STX18: variants seen among roughly 807,000 people sequenced by gnomAD.
The protein encoded by STX18 is syntaxin-18.
In STX18, 40 loss-of-function variants were observed where a neutral mutation model predicts 50.1. The observed-to-expected ratio is 0.80, with a 90% CI of 0.62 to 1.04. STX18 has a LOEUF of 1.04. Among genes scored for constraint, STX18 ranks in the 50% least tolerant of loss-of-function variants. STX18 has a pLI of 0.00. For synonymous variants in STX18, 158 were observed against 151.8 expected, an observed-to-expected ratio of 1.04 and a Z score of -0.30; for missense variants, 410 against 415.8, an observed-to-expected ratio of 0.99 and a Z score of 0.12.
At chr4:4,435,992 G>A (rs777011168) in intron 6 of STX18, among the ~76,000 whole-genome samples, 1 of 152,152 alleles carries the variant, frequency 6.6e-6, no homozygotes, top group Non-Finnish European at 1.5e-5. Flanking sequence ...GTGTCTCAGG[G>A]CTTATCAGTG....
At chr4:4,451,207 T>C (rs1357894420) in intron 5 of STX18, among the ~76,000 whole-genome samples, 1 of 152,248 alleles carries the variant, frequency 6.6e-6, no homozygotes, top group Non-Finnish European at 1.5e-5. Context: ...CTGGCCAGCA[T>C]CTGCTTCCAG....
chr4:4,461,780 C>T (rs1727390322), intron 2 of STX18: 1 of 442,270 alleles, frequency 2.3e-6, no homozygotes, highest in African/African-American at 2.0e-5. Flanking sequence ...CCTCATGTTT[C>T]TGTGGGAACC....
At chr4:4,488,351 T>C (rs1313263161) in intron 1 of STX18, among the ~76,000 whole-genome samples, 1 of 152,120 alleles carries the variant, frequency 6.6e-6, no homozygotes, top group Non-Finnish European at 1.5e-5. Context: ...CTTATAAGAA[T>C]GTGGAGATGT....
chr4:4,423,890 C>G (rs1022478821), intron 8 of STX18: 1 of 408,446 alleles, frequency 2.4e-6, no homozygotes, highest in African/African-American at 2.0e-5. Flanking sequence ...TGTCACTGCT[C>G]GGGGAATGGG....
At chr4:4,440,632 T>C (rs570379770) in intron 5 of STX18, among the ~76,000 whole-genome samples, 4 of 152,350 alleles carry the variant, frequency 2.6e-5, no homozygotes, top group Non-Finnish European at 5.9e-5. Flanking sequence ...CAAATACATT[T>C]TGAATTTCCA....
intron 5 of STX18, among the ~76,000 whole-genome samples, chr4:4,449,521 T>C (rs543329087): frequency 1.5e-4 from 23 of 152,258 alleles, no homozygotes; most frequent in Non-Finnish European, 3.1e-4. Flanking sequence ...TCACTTATTC[T>C]GTAAGAGATC....
chr4:4,538,567 G>C (rs1295443423), intron 1 of STX18, among the ~76,000 whole-genome samples: 1 of 144,046 alleles, frequency 6.9e-6, no homozygotes, highest in Non-Finnish European at 1.5e-5. Context: ...ACATGAGGAG[G>C]GGGGAGGTAG....
intron 2 of STX18, among the ~76,000 whole-genome samples, chr4:4,459,872 G>A (rs917509943): frequency 1.3e-5 from 2 of 152,178 alleles, no homozygotes; most frequent in East Asian, 1.9e-4. Context: ...AGGGTGGAGG[G>A]TGTTCCCTAA....
At chr4:4,460,799 G>C (rs1560175273) in intron 2 of STX18, among the ~76,000 whole-genome samples, 1 of 152,110 alleles carries the variant, frequency 6.6e-6, no homozygotes, top group Non-Finnish European at 1.5e-5. Context: ...CTCTGTCCGA[G>C]GGAAGACCCA....
upstream of STX18, chr4:4,542,334 CCTCA>C (rs1731657992): frequency 1.0e-5 from 2 of 190,692 alleles, no homozygotes; most frequent in Non-Finnish European, 1.1e-5. Context: ...CTGGCGGCTC[CCTCA>C]CTGAGACCGG....
chr4:4,429,481 C>T (rs909556785), intron 7 of STX18, among the ~76,000 whole-genome samples: 9 of 152,164 alleles, frequency 5.9e-5, no homozygotes, highest in African/African-American at 9.7e-5. Flanking sequence ...ATTTGTGTCA[C>T]AAAGAGCCAA....
chr4:4,528,921 T>C (rs1326396485), intron 1 of STX18, among the ~76,000 whole-genome samples: 3 of 152,234 alleles, frequency 2.0e-5, no homozygotes, highest in African/African-American at 7.2e-5. Flanking sequence ...AAAACTGGTA[T>C]CCCAACAACA....
intron 1 of STX18, among the ~76,000 whole-genome samples, chr4:4,497,867 G>A (rs1729251407): frequency 6.6e-6 from 1 of 152,116 alleles, no homozygotes; most frequent in South Asian, 2.1e-4. Context: ...AATTTGTCTT[G>A]TTCCTGCAGA....
intron 1 of STX18, among the ~76,000 whole-genome samples, chr4:4,481,131 T>C (rs1304531107): frequency 6.6e-6 from 1 of 152,212 alleles, no homozygotes; most frequent in Non-Finnish European, 1.5e-5. Flanking sequence ...CAAAGCACGA[T>C]ATACTGTACA....
At chr4:4,476,702 A>G (rs763659842) in intron 1 of STX18, among the ~76,000 whole-genome samples, 1 of 152,196 alleles carries the variant, frequency 6.6e-6, no homozygotes, top group African/African-American at 2.4e-5. Flanking sequence ...TAGAATCCTT[A>G]TATTTTATAC....
chr4:4,503,446 C>T (rs1729553147), intron 1 of STX18, among the ~76,000 whole-genome samples: 1 of 152,098 alleles, frequency 6.6e-6, no homozygotes, highest in African/African-American at 2.4e-5. Context: ...TAACTCAACA[C>T]AGAACTCAAC....
intron 3 of STX18, among the ~76,000 whole-genome samples, chr4:4,459,050 A>ACACACACACG (rs1491271919): frequency 3.8e-5 from 5 of 131,046 alleles, no homozygotes. Flanking sequence ...GCCACACAGA[A>ACACACACACG]CACACACACA....
intron 1 of STX18, among the ~76,000 whole-genome samples, chr4:4,530,411 T>C (rs1261514006): frequency 2.6e-5 from 4 of 151,326 alleles, no homozygotes; most frequent in Non-Finnish European, 5.9e-5. Flanking sequence ...ATAATTCTCA[T>C]GTCATGACAT....
intron 5 of STX18, among the ~76,000 whole-genome samples, chr4:4,450,153 C>T (rs567480747): frequency 6.6e-6 from 1 of 152,198 alleles, no homozygotes; most frequent in Non-Finnish European, 1.5e-5. Flanking sequence ...TTTTCATACA[C>T]GCGTATAAAT....
Sources: gnomAD v4.1 joint callset for allele counts (sites outside exome capture counted in the v4.1 genomes callset) on GRCh38, gnomAD v4.1.1 for gene constraint, MANE v1.5 for transcripts, NCBI Gene and HGNC (gene_info 2026-07-23, HGNC 2026-07-21) for gene names.